The following TLK1 variants were observed in gnomAD, a reference collection of about 807,000 sequenced individuals.
The protein encoded by TLK1 is serine/threonine-protein kinase tousled-like 1.
A neutral mutation model predicts 105.3 loss-of-function variants in TLK1; 24 were observed. The observed-to-expected ratio is 0.23, with a 90% CI of 0.17 to 0.32. The LOEUF (loss-of-function observed/expected upper bound fraction) is 0.32, where lower values mean the gene tolerates loss of function less well. Among genes scored for constraint, TLK1 ranks in the 10% least tolerant of loss-of-function variants. The pLI is 1.00. For synonymous variants in TLK1, 321 were observed against 310.4 expected (o/e 1.03, Z -0.36); for missense variants, 558 against 910.5 (o/e 0.61, Z 4.98).
chr2:171,196,251 T>A (rs13016599), intron 1 of TLK1, among the ~76,000 whole-genome samples: 143,827 of 151,518 alleles, frequency 0.95, 68,728 homozygotes, highest in East Asian at 1. Context: ...TGAGTAGCTT[T>A]GAATATAGGT....
At chr2:171,025,985 T>C (rs1685753679) in intron 12 of TLK1, among the ~76,000 whole-genome samples, 1 of 152,160 alleles carries the variant, frequency 6.6e-6, no homozygotes, top group Non-Finnish European at 1.5e-5. Flanking sequence ...ACATGGGTAT[T>C]CATGACATGA....
intron 18 of TLK1, among the ~76,000 whole-genome samples, chr2:171,000,599 T>C (rs531844945): frequency 2.0e-5 from 3 of 152,132 alleles, no homozygotes; most frequent in Non-Finnish European, 4.4e-5. Context: ...GTTTTCATCC[T>C]TGTCATCTTT....
At position 171,160,665 on chromosome 2, in the gene TLK1, C is replaced by G; in HGVS notation, c.-237G>C. 7 of 600,768 alleles carry G rather than the reference C, an allele frequency of 1.2e-5. No individual in the cohort carries two copies. In the East Asian group the frequency reaches 2.4e-4, roughly 21 times the overall value. 37.2% of individuals were successfully genotyped at this position (600,768 alleles called of 1,614,324 possible). On this transcript the variant is annotated 5_prime_UTR_variant, in exon 1 of 21. Transcript: ENST00000431350. The surrounding 1 kb of genome is among the most constrained non-coding windows in gnomAD (Gnocchi z 4.4). Reference sequence around the variant, plus strand: ...AAAGGGGGAGAAGCGAGGGAGCGAGCGGGCGCGCCAGAGGAGAGGAGGAGG... The same window carrying G: ...AAAGGGGGAGAAGCGAGGGAGCGAGGGGGCGCGCCAGAGGAGAGGAGGAGG...
intron 11 of TLK1, among the ~76,000 whole-genome samples, chr2:171,033,892 TA>T (rs1404062964): frequency 8.3e-5 from 12 of 145,286 alleles, no homozygotes; most frequent in African/African-American, 1.7e-4. Context: ...CCAGATTTTT[TA>T]AAAAAAAAAA....
At chr2:171,208,989 G>A (rs1693559296) in intron 1 of TLK1, among the ~76,000 whole-genome samples, 1 of 152,150 alleles carries the variant, frequency 6.6e-6, no homozygotes, top group East Asian at 1.9e-4. Context: ...ACCTTGTATA[G>A]AAGACACTGG....
intron 1 of TLK1, among the ~76,000 whole-genome samples, chr2:171,145,905 T>C (rs555636867): frequency 2.0e-5 from 3 of 151,864 alleles, no homozygotes; most frequent in Admixed American, 6.6e-5. Context: ...TTGGGGAGCA[T>C]GGAGAAGGTA....
At chr2:171,153,452 G>C (rs972034214) in intron 1 of TLK1, among the ~76,000 whole-genome samples, 2 of 152,234 alleles carry the variant, frequency 1.3e-5, no homozygotes, top group Non-Finnish European at 2.9e-5. Context: ...TATATAGAGA[G>C]ATGATGTATG....
At chr2:171,135,303 TTG>T (rs769053145) in intron 1 of TLK1, among the ~76,000 whole-genome samples, 47 of 106,086 alleles carry the variant, frequency 4.4e-4, no homozygotes, top group Middle Eastern at 4.6e-3. Flanking sequence ...ATGTGTGTGT[TTG>T]TGTGTGTGTG....
In TLK1 at chr2:171,006,223, G is replaced by A. The variant is rs766598193; in HGVS notation, c.1828C>T (p.Leu610=). The change falls in exon 18 of 21, where the codon CTG becomes TTG. Residue 610 remains leucine (L), a synonymous_variant. Transcript: ENST00000431350. ...CGEIKITDFG[L]SKIMDDDSYG... is the part of the protein sequence containing the mutation. ...CTATCATCATCCATAATCTTGGACA[G>A]ACCAAAATCAGTGATTTTGATTTCA... The A allele has an allele frequency of 1.1e-5, 18 of 1,610,380 alleles. No homozygotes were observed. The highest frequency in any genetic ancestry group is 1.4e-5 in the Non-Finnish European group (17 of 1,178,622).
chr2:171,093,389 A>T (rs912089922), intron 2 of TLK1, among the ~76,000 whole-genome samples: 23 of 152,356 alleles, frequency 1.5e-4, no homozygotes, highest in African/African-American at 5.5e-4. Flanking sequence ...AAACATCCTT[A>T]AAGTGATACC....
intron 5 of TLK1, among the ~76,000 whole-genome samples, 163 bp from the exon 6 acceptor site, chr2:171,056,729 TAA>T (rs1687521865): frequency 6.6e-6 from 1 of 151,156 alleles, no homozygotes; most frequent in Admixed American, 6.6e-5. Context: ...AGCCAAGTCC[TAA>T]AAGACTAAGA....
intron 14 of TLK1, among the ~76,000 whole-genome samples, chr2:171,010,752 T>C (rs1285122286): frequency 6.6e-6 from 1 of 152,150 alleles, no homozygotes; most frequent in East Asian, 1.9e-4. Context: ...GACATGTTAA[T>C]ACTTCAGACA....
At chr2:171,157,246 A>G (rs1223611473) in intron 1 of TLK1, among the ~76,000 whole-genome samples, 1 of 152,234 alleles carries the variant, frequency 6.6e-6, no homozygotes, top group Non-Finnish European at 1.5e-5. Flanking sequence ...CCCATTCAAA[A>G]GTACCCATGT....
chr2:171,140,497 T>G (rs1691529834), intron 1 of TLK1, among the ~76,000 whole-genome samples: 1 of 152,214 alleles, frequency 6.6e-6, no homozygotes, highest in South Asian at 2.1e-4. Flanking sequence ...AAAGCCTCAC[T>G]GGGTTAGCCA....
chr2:171,136,170 T>C (rs969655120), intron 1 of TLK1, among the ~76,000 whole-genome samples: 3 of 152,168 alleles, frequency 2.0e-5, no homozygotes, highest in African/African-American at 7.2e-5. Flanking sequence ...CATGACACAA[T>C]ATGGGTGAAC....
intron 1 of TLK1, among the ~76,000 whole-genome samples, chr2:171,197,187 A>G (rs1410513668): frequency 1.3e-5 from 2 of 152,162 alleles, no homozygotes; most frequent in Non-Finnish European, 2.9e-5. Context: ...AATAAGGAAA[A>G]TATATGATAA....
chr2:171,134,240 T>C (rs1051295117), intron 1 of TLK1, among the ~76,000 whole-genome samples: 8 of 152,296 alleles, frequency 5.3e-5, no homozygotes, highest in Admixed American at 3.3e-4. Flanking sequence ...CAGATTGCTG[T>C]TCATGTACTT....
intron 1 of TLK1, among the ~76,000 whole-genome samples, chr2:171,224,033 T>A (rs1003790582): frequency 6.6e-6 from 1 of 152,184 alleles, no homozygotes; most frequent in African/African-American, 2.4e-5. Context: ...CCCCGACCAA[T>A]GCTATGGAGC....
chr2:171,228,843 T>TA (rs890836373), intron 1 of TLK1, among the ~76,000 whole-genome samples: 7 of 150,906 alleles, frequency 4.6e-5, no homozygotes, highest in African/African-American at 7.3e-5. Flanking sequence ...GAACTGTAAT[T>TA]AAAAAAAAAA....
Sources: allele counts gnomAD v4.1 joint callset (sites outside exome capture counted in the v4.1 genomes callset), GRCh38; gene constraint gnomAD v4.1.1; non-coding constraint Gnocchi (gnomAD v3.1); transcripts MANE v1.5; gene names NCBI Gene and HGNC (gene_info 2026-07-23, HGNC 2026-07-21).